The following NPTN variants were observed in gnomAD, a reference collection of about 807,000 sequenced individuals.
NPTN encodes the protein neuroplastin.
In NPTN, 5 loss-of-function variants were observed where a neutral mutation model predicts 42.7. The ratio of observed to expected loss-of-function variants is 0.12; its 90% CI spans 0.06 to 0.25. The LOEUF is 0.25. Among genes scored for constraint, NPTN ranks in the 10% least tolerant of loss-of-function variants. NPTN has a pLI of 1.00. For synonymous variants in NPTN, 180 were observed against 201.9 expected, an observed-to-expected ratio of 0.89 and a Z score of 0.92; for missense variants, 307 against 525.4, an observed-to-expected ratio of 0.58 and a Z score of 4.06.
chr15:73,610,499 A>C (rs962620523), intron 1 of NPTN, among the ~76,000 whole-genome samples: 3 of 152,186 alleles, frequency 2.0e-5, no homozygotes, highest in African/African-American at 7.2e-5. Context: ...TTAACATGGA[A>C]TGCTTTCTGT....
At chr15:73,568,297 C>T in intron 6 of NPTN, 1 of 985,460 alleles carries the variant, frequency 1.0e-6, no homozygotes, top group African/African-American at 1.7e-5. Context: ...CCAGTGGCAG[C>T]CAGCCTTGCC....
chr15:73,573,357 C>T (rs1895512825), intron 5 of NPTN, among the ~76,000 whole-genome samples: 2 of 152,072 alleles, frequency 1.3e-5, no homozygotes, highest in African/African-American at 4.8e-5. Flanking sequence ...CCAATTAAAC[C>T]TTTTTTCTTT....
At chr15:73,617,760 T>TAC (rs1897931789) in intron 1 of NPTN, among the ~76,000 whole-genome samples, 1 of 152,212 alleles carries the variant, frequency 6.6e-6, no homozygotes. Context: ...GCTGCTGAAA[T>TAC]ACACACACGT....
At chr15:73,576,153 T>A (rs1418782862) in intron 4 of NPTN, among the ~76,000 whole-genome samples, 2 of 152,154 alleles carry the variant, frequency 1.3e-5, no homozygotes, top group African/African-American at 4.8e-5. Context: ...AGGGTTACCA[T>A]GTGCTGCTCC....
chr15:73,613,737 G>T (rs1027361319), intron 1 of NPTN, among the ~76,000 whole-genome samples: 2 of 152,078 alleles, frequency 1.3e-5, no homozygotes, highest in South Asian at 2.1e-4. Flanking sequence ...CCAGGATGGG[G>T]TGCAGTGGCA....
intron 3 of NPTN, among the ~76,000 whole-genome samples, chr15:73,590,070 GA>G (rs905486459): frequency 3.3e-5 from 5 of 151,976 alleles, no homozygotes; most frequent in African/African-American, 1.2e-4. Context: ...AAATACTTGG[GA>G]AGATAACTCC....
At chr15:73,606,988 G>T (rs2141442935) in intron 1 of NPTN, among the ~76,000 whole-genome samples, 1 of 152,246 alleles carries the variant, frequency 6.6e-6, no homozygotes, top group African/African-American at 2.4e-5. Context: ...GCTGAGGTCT[G>T]ATCAACCTGG....
At position 73,569,253 on chromosome 15, in the gene NPTN, GCAGATA is replaced by G; in HGVS notation, c.1114+891_1114+896del. On this transcript the variant is annotated intron_variant, in intron 6 of 8. Coordinates refer to ENST00000345330, the MANE Select transcript of NPTN (RefSeq NM_012428.4). This position sits in a 1 kb window ranked among gnomAD's most constrained non-coding sequence, Gnocchi z 4.1. The stretch of plus-strand genomic sequence containing the variant: ...GAGCCAGCTGGGAACCTGAAGTACT[GCAGATA>G]CAAGTCTCCATCAGCAGCTTCCCCC... 1 of 985,522 alleles carries G rather than the reference GCAGATA, an allele frequency of 1.0e-6. No homozygotes were observed. Among genetic ancestry groups the G allele is most frequent in the Non-Finnish European group, 1.2e-6 (1 of 829,996 alleles). 61.0% of individuals were successfully genotyped at this position (985,522 alleles called of 1,614,324 possible). A position where few individuals can be genotyped will look rare whatever the true frequency, so the allele number is the denominator to read the frequency against.
chr15:73,592,854 T>C (rs918149158), intron 2 of NPTN, among the ~76,000 whole-genome samples: 1 of 152,218 alleles, frequency 6.6e-6, no homozygotes, highest in African/African-American at 2.4e-5. Context: ...GAGTGCAATA[T>C]TGTGTTGGTA....
intron 1 of NPTN, among the ~76,000 whole-genome samples, chr15:73,613,956 GA>G (rs1490406300): frequency 1.3e-5 from 2 of 152,060 alleles, no homozygotes; most frequent in Non-Finnish European, 2.9e-5. Flanking sequence ...AAAGTGCGGG[GA>G]TTACAGGTGT....
At chr15:73,580,390 AAT>A (rs1482463035) in intron 4 of NPTN, among the ~76,000 whole-genome samples, 3 of 132,014 alleles carry the variant, frequency 2.3e-5, no homozygotes, top group Admixed American at 8.3e-5. Context: ...AAAACTTTAA[AAT>A]ATATATATTA....
At chr15:73,584,362 T>C (rs945724043) in intron 4 of NPTN, among the ~76,000 whole-genome samples, 11 of 152,124 alleles carry the variant, frequency 7.2e-5, no homozygotes, top group Admixed American at 2.0e-4. Flanking sequence ...GATACCGGGA[T>C]TTTTAATTTG....
chr15:73,597,452 A>G lies in NPTN; in HGVS notation c.92-83T>C. The G allele has an allele frequency of 5.5e-6, 6 of 1,083,742 alleles. No individual in the cohort carries two copies. The highest frequency in any genetic ancestry group is 6.6e-6 in the Non-Finnish European group (5 of 762,510). 67.1% of individuals were successfully genotyped at this position (1,083,742 alleles called of 1,614,324 possible). ...TCAACAGGTGTTAATAGTAATTTAA[A>G]GAAAAGAAAAGAAAAAAGCAAATGA... On this transcript the variant is annotated intron_variant, in intron 1 of 8. Coordinates refer to ENST00000345330, the MANE Select transcript of NPTN (RefSeq NM_012428.4). This position sits in a 1 kb window ranked among gnomAD's most constrained non-coding sequence, Gnocchi z 6.3.
intron 1 of NPTN, among the ~76,000 whole-genome samples, chr15:73,627,994 T>C (rs961920799): frequency 1.3e-5 from 2 of 151,956 alleles, no homozygotes; most frequent in Admixed American, 6.6e-5. Context: ...CAACTAAAAT[T>C]AGGAATTTTG....
intron 6 of NPTN, chr15:73,567,344 T>C: frequency 1.0e-6 from 1 of 985,360 alleles, no homozygotes; most frequent in Non-Finnish European, 1.2e-6. Context: ...ATTTTCCTAA[T>C]GGTATAAAAA....
intron 1 of NPTN, among the ~76,000 whole-genome samples, chr15:73,623,559 C>T (rs1399551575): frequency 1.3e-5 from 2 of 152,000 alleles, no homozygotes; most frequent in Non-Finnish European, 2.9e-5. Flanking sequence ...TGGAGGTATG[C>T]GCCTGTGGTC....
intron 5 of NPTN, among the ~76,000 whole-genome samples, chr15:73,572,004 T>C (rs1340968008): frequency 1.3e-5 from 2 of 152,176 alleles, no homozygotes; most frequent in Admixed American, 1.3e-4. Flanking sequence ...GGACATTTCC[T>C]CTCCAGTGCC....
At chr15:73,590,046 C>T (rs1305753313) in intron 3 of NPTN, among the ~76,000 whole-genome samples, 3 of 151,948 alleles carry the variant, frequency 2.0e-5, no homozygotes, top group Admixed American at 6.5e-5. Flanking sequence ...TCTTAGACTT[C>T]TAAGTTCTTT....
At position 73,563,214 on chromosome 15, in the gene NPTN, C is replaced by G. The variant is rs760235691; in HGVS notation, c.1136+22G>C. On this transcript the variant is annotated intron_variant, in intron 7 of 8. Coordinates refer to ENST00000345330, the MANE Select transcript of NPTN (RefSeq NM_012428.4). ...ATCATTCAATCAGATACTGTTGAAT[C>G]AATGTCCAATAAAGTACTTACATTG... is the stretch of plus-strand genomic sequence containing the variant. 4.8e-6 allele frequency: 7 copies of G among 1,467,518 alleles called. No individual in the cohort carries two copies. In the African/African-American group the frequency reaches 9.7e-5, roughly 20 times the overall value. The allele number at this position is 1,467,518 out of a possible 1,614,324, so 90.9% of individuals were successfully genotyped here.
Sources: gnomAD v4.1 joint callset for allele counts (sites outside exome capture counted in the v4.1 genomes callset) on GRCh38, gnomAD v4.1.1 for gene constraint, Gnocchi (gnomAD v3.1) non-coding constraint, MANE v1.5 for transcripts, NCBI Gene and HGNC (gene_info 2026-07-23, HGNC 2026-07-21) for gene names.